The following CDH12 variants were observed in gnomAD, a reference collection of about 807,000 sequenced individuals.
CDH12 encodes cadherin-12.
A neutral mutation model predicts 74.1 loss-of-function variants in CDH12; 41 were observed. The observed-to-expected ratio is 0.55, with a 90% CI of 0.43 to 0.72. The LOEUF (loss-of-function observed/expected upper bound fraction) is 0.72, where lower values mean the gene tolerates loss of function less well. CDH12 is among the 30% of genes least tolerant of loss of function. The pLI is 0.00. For synonymous variants in CDH12, 399 were observed against 355.0 expected (o/e 1.12, Z -1.39); for missense variants, 945 against 977.2 (o/e 0.97, Z 0.44).
chr5:22,650,514 C>T (rs959726761), intron 1 of CDH12, among the ~76,000 whole-genome samples: 2 of 152,090 alleles, frequency 1.3e-5, no homozygotes, highest in Admixed American at 6.6e-5. Context: ...AATGTTCTTT[C>T]AACACAAAAT....
intron 5 of CDH12, among the ~76,000 whole-genome samples, chr5:22,042,889 C>CAAAAGAAAAAAAAAAA (rs1561050776): frequency 1.8e-5 from 1 of 56,066 alleles, no homozygotes; most frequent in African/African-American, 5.2e-5. Flanking sequence ...GATTCTATCT[C>CAAAAGAAAAAAAAAAA]AAAAAAAAAA....
intron 1 of CDH12, among the ~76,000 whole-genome samples, chr5:22,611,928 T>G (rs1039940142): frequency 6.6e-6 from 1 of 152,114 alleles, no homozygotes; most frequent in Non-Finnish European, 1.5e-5. Flanking sequence ...TATCCTCTAA[T>G]TTGCTTTCCA....
intron 9 of CDH12, among the ~76,000 whole-genome samples, chr5:21,804,681 CACACACACACACAT>C (rs1187537031): frequency 1.3e-5 from 2 of 148,514 alleles, no homozygotes; most frequent in African/African-American, 2.6e-5. Context: ...CACACACACA[CACACACACACACAT>C]AGATGTTTTA....
chr5:22,622,644 G>C (rs1047988679), intron 1 of CDH12, among the ~76,000 whole-genome samples: 42 of 152,050 alleles, frequency 2.8e-4, no homozygotes, highest in Non-Finnish European at 5.6e-4. Flanking sequence ...TCCCTGAATA[G>C]ACCAATAACA....
chr5:22,836,483 C>T (rs1026260828), intron 1 of CDH12, among the ~76,000 whole-genome samples: 1 of 151,878 alleles, frequency 6.6e-6, no homozygotes, highest in African/African-American at 2.4e-5. Flanking sequence ...CCTACCTCGG[C>T]CTTCCAAAGT....
At chr5:21,919,064 C>A (rs1361866047) in intron 6 of CDH12, among the ~76,000 whole-genome samples, 1 of 151,962 alleles carries the variant, frequency 6.6e-6, no homozygotes, top group Non-Finnish European at 1.5e-5. Context: ...ACTAAAATAC[C>A]ATTAAACCAA....
At chr5:22,704,717 A>G (rs1172609803) in intron 1 of CDH12, among the ~76,000 whole-genome samples, 2 of 152,114 alleles carry the variant, frequency 1.3e-5, no homozygotes, top group African/African-American at 4.8e-5. Flanking sequence ...ATCTACATCT[A>G]TTATGTTCTT....
chr5:22,610,201 T>C (rs184085358), intron 1 of CDH12, among the ~76,000 whole-genome samples: 5 of 152,286 alleles, frequency 3.3e-5, no homozygotes, highest in Admixed American at 2.6e-4. Flanking sequence ...CAAAGAAAAC[T>C]TGAAAAGTAT....
At chr5:21,841,185 A>G (rs1749826176) in intron 8 of CDH12, among the ~76,000 whole-genome samples, 1 of 152,080 alleles carries the variant, frequency 6.6e-6, no homozygotes. Context: ...ACCCCATCAA[A>G]AAGTGGGCAA....
intron 8 of CDH12, among the ~76,000 whole-genome samples, chr5:21,819,426 G>A (rs181457085): frequency 2.5e-3 from 375 of 151,974 alleles, no homozygotes; most frequent in Non-Finnish European, 3.9e-3. Flanking sequence ...CTTCTAAAAT[G>A]CCCGTTAAAT....
intron 4 of CDH12, among the ~76,000 whole-genome samples, chr5:22,170,158 A>G (rs1748936067): frequency 6.6e-6 from 1 of 151,894 alleles, no homozygotes; most frequent in South Asian, 2.1e-4. Flanking sequence ...AGTAGAAACA[A>G]TTACTGGGGC....
intron 8 of CDH12, among the ~76,000 whole-genome samples, chr5:21,822,403 T>C (rs527529807): frequency 2.0e-5 from 3 of 152,096 alleles, no homozygotes; most frequent in African/African-American, 7.2e-5. Context: ...TATTTTCCCA[T>C]ATCTTTAAAA....
At chr5:22,503,745 C>A (rs1265024592) in intron 2 of CDH12, among the ~76,000 whole-genome samples, 10 of 151,986 alleles carry the variant, frequency 6.6e-5, no homozygotes. Context: ...ACAGAGTGAA[C>A]CAAAGGACAT....
chr5:22,195,792 C>T (rs948637975), intron 4 of CDH12, among the ~76,000 whole-genome samples: 1 of 152,140 alleles, frequency 6.6e-6, no homozygotes, highest in Non-Finnish European at 1.5e-5. Flanking sequence ...GCCATTTTCT[C>T]TCCTTTATTT....
intron 2 of CDH12, among the ~76,000 whole-genome samples, chr5:22,466,776 C>CTTT (rs70959733): frequency 0.016 from 834 of 51,016 alleles, 140 homozygotes; most frequent in East Asian, 0.02. Flanking sequence ...CCTCAGGAAT[C>CTTT]TTTTTTTTTT....
intron 1 of CDH12, among the ~76,000 whole-genome samples, chr5:22,710,723 A>T (rs1417903721): frequency 6.6e-6 from 1 of 152,162 alleles, no homozygotes; most frequent in Middle Eastern, 3.2e-3. Flanking sequence ...AGTCTACTTC[A>T]CAATTAGTTG....
At chr5:22,661,021 T>A (rs968439367) in intron 1 of CDH12, among the ~76,000 whole-genome samples, 2 of 152,292 alleles carry the variant, frequency 1.3e-5, no homozygotes, top group African/African-American at 4.8e-5. Flanking sequence ...CTTTCTAAAT[T>A]CTTTGTAATT....
At chr5:21,993,027 T>C (rs1235627130) in intron 5 of CDH12, among the ~76,000 whole-genome samples, 2 of 152,096 alleles carry the variant, frequency 1.3e-5, no homozygotes, top group Non-Finnish European at 2.9e-5. Context: ...TCAGATCTTA[T>C]GAGAACTCAC....
rs891551453 is a variant in CDH12, at chr5:22,546,210, C to T, written c.-522-40846G>A. On this transcript the variant is annotated intron_variant, in intron 1 of 14. Coordinates refer to ENST00000382254, the MANE Select transcript of CDH12 (RefSeq NM_004061.5). ...CCACCTGCCTCGGCCTCCCAAAGTG[C>T]TGGGATTACAGGCATGAGCCACCAC... Among the ~76,000 whole-genome samples the T allele has an allele frequency of 4.6e-5, 7 of 152,214 alleles. No homozygotes were observed. In the East Asian group the frequency reaches 1.4e-3, roughly 29 times the overall value.
Sources: allele counts gnomAD v4.1 joint callset (sites outside exome capture counted in the v4.1 genomes callset), GRCh38; gene constraint gnomAD v4.1.1; transcripts MANE v1.5; gene names NCBI Gene and HGNC (gene_info 2026-07-23, HGNC 2026-07-21).